Variants in MED25 observed in about 807,000 individuals in gnomAD.
The protein encoded by MED25 is mediator of RNA polymerase II transcription subunit 25.
MED25 carries 62 observed loss-of-function variants against 89.4 expected under a neutral mutation model. The observed-to-expected ratio is 0.69, with a 90% CI of 0.57 to 0.86. The LOEUF (loss-of-function observed/expected upper bound fraction) is 0.86. Among genes scored for constraint, MED25 ranks in the 40% least tolerant of loss-of-function variants. MED25 has a pLI of 0.00. For missense variants in MED25, 905 were observed against 1,005.2 expected, an observed-to-expected ratio of 0.90 and a Z score of 1.35; for synonymous variants, 449 against 427.9, an observed-to-expected ratio of 1.05 and a Z score of -0.61.
chr19:49,824,532 C>CT (rs2074002689), intron 3 of MED25, among the ~76,000 whole-genome samples: 1 of 151,024 alleles, frequency 6.6e-6, no homozygotes, highest in African/African-American at 2.4e-5. Flanking sequence ...TTGCAGTGAG[C>CT]CGAGATTGTG....
At position 49,834,602 on chromosome 19, in the gene MED25, C is replaced by T. The variant is rs2074082179; in HGVS notation, c.1483-384C>T. ...CCGGGGTCCGACCCACCGTTGATCA[C>T]AGGCCTGTGGGTACCACGCTGTGCA... On this transcript the variant is annotated intron_variant, in intron 13 of 17. Transcript: ENST00000312865. The surrounding 1 kb of genome is among the most constrained non-coding windows in gnomAD (Gnocchi z 4.1). 6.0e-6 allele frequency: 2 copies of T among 334,284 alleles called. No individual in the cohort carries two copies. The highest frequency in any genetic ancestry group is 2.7e-5 in the South Asian group (1 of 37,038). 20.7% of individuals were successfully genotyped at this position (334,284 alleles called of 1,614,324 possible).
intron 3 of MED25, among the ~76,000 whole-genome samples, chr19:49,821,957 CG>C (rs2073985398): frequency 1.3e-5 from 2 of 150,804 alleles, no homozygotes; most frequent in Admixed American, 1.3e-4. Flanking sequence ...GGTGAAACCC[CG>C]TCTCTACAAA....
rs199739766 is a variant in MED25 at position 49,831,500 on chromosome 19, T to C, written c.1230+39T>C. The C allele has an allele frequency of 2.3e-4, 360 of 1,599,566 alleles. No individual in the cohort carries two copies. The East Asian group carries it at 6.5e-3, about 29-fold the overall frequency. On this transcript the variant is annotated intron_variant, in intron 10 of 17. Transcript: ENST00000312865. This position sits in a 1 kb window ranked among gnomAD's most constrained non-coding sequence, Gnocchi z 5.0. Reference sequence around the variant, plus strand: ...GGGTCCATTGGGCACTTGGGACTCCTGGGGCCGTGGGGCTGGGCATGTAGG... The same window carrying C: ...GGGTCCATTGGGCACTTGGGACTCCCGGGGCCGTGGGGCTGGGCATGTAGG...
rs1355276653 is a variant in MED25, at chr19:49,829,114, A to G, written c.525+24A>G. On this transcript the variant is annotated intron_variant, in intron 5 of 17. Coordinates refer to ENST00000312865, the MANE Select transcript of MED25 (RefSeq NM_030973.4). This position sits in a 1 kb window ranked among gnomAD's most constrained non-coding sequence, Gnocchi z 4.6. ...AGGTGAGGACTCCAGGGTCTGAGGG[A>G]CGAGGGTCTGGGGGCCCGGAGTCTT... 1.2e-6 allele frequency: 2 copies of G among 1,607,492 alleles called. No individual in the cohort carries two copies.
Position 49,818,328 on chromosome 19 carries a change from G to C in MED25, c.-14G>C, listed in dbSNP as rs945390096. ...GCTGCGGCTGCAGTGGTGGTGGCGG[G>C]TACCGCACGGGGTATGGTCCCCGGG... is the stretch of plus-strand genomic sequence containing the variant. On this transcript the variant is annotated 5_prime_UTR_variant, in exon 1 of 18. Coordinates refer to ENST00000312865, the MANE Select transcript of MED25 (RefSeq NM_030973.4). The C allele has an allele frequency of 6.4e-7, 1 of 1,572,476 alleles. No homozygotes were observed. The highest frequency in any genetic ancestry group is 8.6e-7 in the Non-Finnish European group (1 of 1,158,218).
chr19:49,818,578 A>G lies in MED25; in HGVS notation c.142A>G (p.Asn48Asp). 2 of 1,613,992 alleles carry G rather than the reference A, an allele frequency of 1.2e-6. No individual in the cohort carries two copies. Among genetic ancestry groups the G allele is most frequent in the Non-Finnish European group, 1.7e-6 (2 of 1,180,008 alleles). The change falls in exon 2 of 18, where the codon AAT becomes GAT. Residue 48 changes from asparagine to aspartate, a missense_variant. Physicochemically the swap from Asn to Asp is conservative, Grantham distance 23. Around this residue, in one of 3 missense-constraint regions of MED25, gnomAD observed 501 missense variants for 526.9 expected, o/e 0.95. Transcript: ENST00000312865. ...HYLLPAIEYF[N>D]GGPPAETDFG... ...CACTTCCTACCCTCACAGGTATTTTAATGGTGGTCCTCCTGCTGAGACGGA... is the reference window on the plus strand; with the variant it reads ...CACTTCCTACCCTCACAGGTATTTTGATGGTGGTCCTCCTGCTGAGACGGA...
rs1267405133 is a variant in MED25, at chr19:49,819,650, C to T, written c.305+354C>T. ...TAGAAGTAGGAAAAACCTTCCCATTCAGGGAGGCCTGGCTGAGCTCCAGCA... is the reference window on the plus strand; with the variant it reads ...TAGAAGTAGGAAAAACCTTCCCATTTAGGGAGGCCTGGCTGAGCTCCAGCA... On this transcript the variant is annotated intron_variant, in intron 3 of 17. Coordinates refer to ENST00000312865, the MANE Select transcript of MED25 (RefSeq NM_030973.4). 2.3e-5 allele frequency: 8 copies of T among 354,160 alleles called. No individual in the cohort carries two copies. In the Admixed American group the frequency reaches 3.1e-4, roughly 14 times the overall value. The allele number at this position is 354,160 out of a possible 1,614,324, so 21.9% of individuals were successfully genotyped here.
rs1027479318 is a variant in MED25, at chr19:49,834,491, G to A, written c.1483-495G>A. The A allele has an allele frequency of 4.6e-5, 9 of 197,770 alleles. No individual in the cohort carries two copies. Among genetic ancestry groups the A allele is most frequent in the African/African-American group, 2.1e-4 (9 of 43,380 alleles). 12.3% of individuals were successfully genotyped at this position (197,770 alleles called of 1,614,324 possible). ...GGGCTCTTGCTGTGGATCAGACATC[G>A]CATAGTCACAGCGACCCTGTGATGT... On this transcript the variant is annotated intron_variant, in intron 13 of 17. Coordinates refer to ENST00000312865, the MANE Select transcript of MED25 (RefSeq NM_030973.4). The surrounding 1 kb of genome is among the most constrained non-coding windows in gnomAD (Gnocchi z 4.1).
intron 3 of MED25, among the ~76,000 whole-genome samples, chr19:49,827,897 C>T (rs2074025825): frequency 6.6e-6 from 1 of 152,102 alleles, no homozygotes. Flanking sequence ...TTGGGGTCCC[C>T]AGCCCTTTCC....
intron 2 of MED25, 158 bp downstream of exon 2, chr19:49,818,774 C>T: frequency 1.3e-6 from 1 of 749,950 alleles, no homozygotes; most frequent in Non-Finnish European, 2.2e-6. Context: ...GGCCTGGGGG[C>T]CTGGACTCCT....
chr19:49,833,052 C>A (rs866219819), intron 13 of MED25: 11 of 156,722 alleles, frequency 7.0e-5, no homozygotes, highest in Middle Eastern at 3.4e-3. Flanking sequence ...CAAAGACCCT[C>A]TTTCCAGATA....
chr19:49,818,607 C>T lies in MED25; in HGVS notation c.171C>T (p.Phe57=), dbSNP rs769865052. ...FNGGPPAETD[F]GGDYGGTQYS... is the part of the protein sequence containing the mutation. ...GTGGTCCTCCTGCTGAGACGGACTT[C>T]GGGGGAGACGTGAGTCTAGGGACTC... The change falls in exon 2 of 18, where the codon TTC becomes TTT. Residue 57 remains phenylalanine (F), a synonymous_variant. Transcript: ENST00000312865. 6.2e-7 allele frequency: 1 copy of T among 1,613,836 alleles called. No individual in the cohort carries two copies. Among genetic ancestry groups the T allele is most frequent in the Admixed American group, 1.7e-5 (1 of 60,008 alleles).
At chr19:49,838,610 G>A (rs1218196776), downstream of MED25, 2 of 457,308 alleles carry the variant, frequency 4.4e-6, no homozygotes, top group Non-Finnish European at 8.8e-6. Context: ...GGAGAGGGCC[G>A]TGTGTTTCGA....
Position 49,835,473 on chromosome 19 carries a change from C to T in MED25, c.1675-61C>T, listed in dbSNP as rs565341553. 2.5e-5 allele frequency: 37 copies of T among 1,464,362 alleles called. No individual in the cohort carries two copies. The highest frequency in any genetic ancestry group is 7.5e-5 in the East Asian group (3 of 40,250). 90.7% of individuals were successfully genotyped at this position (1,464,362 alleles called of 1,614,324 possible). ...GTTCCCCTCAGGGCACAGGCCCTCCCGCCTCAGATTCAGGATGCCACCACC... is the reference window on the plus strand; with the variant it reads ...GTTCCCCTCAGGGCACAGGCCCTCCTGCCTCAGATTCAGGATGCCACCACC... On this transcript the variant is annotated intron_variant, in intron 14 of 17. Transcript: ENST00000312865. This position sits in a 1 kb window ranked among gnomAD's most constrained non-coding sequence, Gnocchi z 6.2.
At chr19:49,824,587 GAAAAAA>G (rs71180656) in intron 3 of MED25, among the ~76,000 whole-genome samples, 1 of 122,970 alleles carries the variant, frequency 8.1e-6, no homozygotes, top group African/African-American at 3.0e-5. Context: ...CCTGTCTCGG[GAAAAAA>G]AAAAAAAAAA....
rs922949240 is a variant in MED25, at chr19:49,830,589, G to A, written c.898G>A (p.Gly300Ser). ...EAAKNQKAGL[G>S]PRFSPITPLQ... ...TGCCAAGAACCAGAAGGCTGGGCTG[G>A]GCCCTCGCTGTGAGTCCTGGAGTGA... The change falls in exon 8 of 18, where the codon GGC (glycine) becomes AGC (serine). Residue 300 changes from glycine to serine, a missense_variant. Around this residue, in one of 3 missense-constraint regions of MED25, gnomAD observed 501 missense variants for 526.9 expected, o/e 0.95. Transcript: ENST00000312865. This position sits in a 1 kb window ranked among gnomAD's most constrained non-coding sequence, Gnocchi z 4.6. 1.9e-6 allele frequency: 3 copies of A among 1,614,048 alleles called. No homozygotes were observed. The African/African-American group carries it at 4.0e-5, about 22-fold the overall frequency.
rs991247921 is a variant in MED25 at position 49,836,666 on chromosome 19, G to A, written c.2147-181G>A. On this transcript the variant is annotated intron_variant, in intron 17 of 17. Coordinates refer to ENST00000312865, the MANE Select transcript of MED25 (RefSeq NM_030973.4). This position sits in a 1 kb window ranked among gnomAD's most constrained non-coding sequence, Gnocchi z 5.1. Reference sequence around the variant, plus strand: ...TGGGAAATGTGGTCTTAGGGCCAGAGAAGTAGTTTTGGAGAAGGGCCCCCA... The same window carrying A: ...TGGGAAATGTGGTCTTAGGGCCAGAAAAGTAGTTTTGGAGAAGGGCCCCCA... The A allele has an allele frequency of 3.7e-4, 272 of 739,130 alleles. 1 individual carries two copies. The highest frequency in any genetic ancestry group is 4.5e-4 in the Middle Eastern group (2 of 4,408). 45.8% of individuals were successfully genotyped at this position (739,130 alleles called of 1,614,324 possible).
intron 3 of MED25, among the ~76,000 whole-genome samples, chr19:49,826,581 C>T (rs1273583013): frequency 6.6e-6 from 1 of 152,174 alleles, no homozygotes; most frequent in South Asian, 2.1e-4. Context: ...GGTTCCTAGG[C>T]CTTGTGTGAC....
At position 49,830,934 on chromosome 19, in the gene MED25, CA is replaced by C; in HGVS notation, c.1101+48del. On this transcript the variant is annotated intron_variant, in intron 9 of 17. Transcript: ENST00000312865. The surrounding 1 kb of genome is among the most constrained non-coding windows in gnomAD (Gnocchi z 4.6). Reference sequence around the variant, plus strand: ...GCCCCTGCTCCTTCCTCCTGCTGTCCACAGCTAGGACAGTTAGAGGATGAGT... The same window carrying C: ...GCCCCTGCTCCTTCCTCCTGCTGTCCCAGCTAGGACAGTTAGAGGATGAGT... 2 of 1,545,536 alleles carry C rather than the reference CA, an allele frequency of 1.3e-6. No homozygotes were observed. Among genetic ancestry groups the C allele is most frequent in the Non-Finnish European group, 1.8e-6 (2 of 1,131,996 alleles).
Sources: gnomAD v4.1 joint callset for allele counts (sites outside exome capture counted in the v4.1 genomes callset) on GRCh38, gnomAD v4.1.1 for gene constraint, gnomAD v4.1.1 regional missense constraint, Gnocchi (gnomAD v3.1) non-coding constraint, MANE v1.5 for transcripts, NCBI Gene and HGNC (gene_info 2026-07-23, HGNC 2026-07-21) for gene names.